The following UGGT2 variants were observed in gnomAD, a reference collection of about 807,000 sequenced individuals.
UGGT2 encodes UDP-glucose glycoprotein glucosyltransferase 2.
A neutral mutation model predicts 192.1 loss-of-function variants in UGGT2; 180 were observed. The observed-to-expected ratio is 0.94, with a 90% CI of 0.83 to 1.06. UGGT2 has a LOEUF of 1.06. UGGT2 is among the 50% of genes least tolerant of loss of function. The pLI, the probability that UGGT2 is intolerant of heterozygous loss-of-function variation, is 0.00. For synonymous variants in UGGT2, 580 were observed against 591.0 expected, an observed-to-expected ratio of 0.98 and a Z score of 0.27; for missense variants, 1,849 against 1,795.7, an observed-to-expected ratio of 1.03 and a Z score of -0.54.
At chr13:95,844,403 T>TG (rs1463353223) in intron 36 of UGGT2, among the ~76,000 whole-genome samples, 3 of 152,206 alleles carry the variant, frequency 2.0e-5, no homozygotes, top group Admixed American at 2.0e-4. Flanking sequence ...GTGATTAATT[T>TG]GGGGAGAAAC....
At chr13:95,805,592 C>T (rs1429810128) in intron 38 of UGGT2, among the ~76,000 whole-genome samples, 1 of 152,006 alleles carries the variant, frequency 6.6e-6, no homozygotes, top group Non-Finnish European at 1.5e-5. Context: ...GGATTTTATC[C>T]AGTCTTTTAA....
intron 26 of UGGT2, among the ~76,000 whole-genome samples, chr13:95,887,685 G>T (rs557917594): frequency 6.6e-6 from 1 of 152,198 alleles, no homozygotes; most frequent in Admixed American, 6.5e-5. Context: ...TCTGTAATTA[G>T]GTCAGATCAC....
intron 1 of UGGT2, among the ~76,000 whole-genome samples, chr13:96,042,557 A>T (rs1463084653): frequency 6.6e-6 from 1 of 152,172 alleles, no homozygotes; most frequent in Non-Finnish European, 1.5e-5. Context: ...ATGGTCAGTT[A>T]TTAAGCTAAT....
intron 38 of UGGT2, among the ~76,000 whole-genome samples, chr13:95,827,684 A>G (rs1886184559): frequency 6.6e-6 from 1 of 152,194 alleles, no homozygotes; most frequent in Admixed American, 6.5e-5. Flanking sequence ...AGCCATCCTT[A>G]TAGAGTTAAA....
chr13:95,848,661 T>A, intron 36 of UGGT2, among the ~76,000 whole-genome samples: 1 of 152,234 alleles, frequency 6.6e-6, no homozygotes, highest in East Asian at 1.9e-4. Flanking sequence ...TTTGCCAACA[T>A]ACTGTCTTGA....
intron 38 of UGGT2, among the ~76,000 whole-genome samples, chr13:95,803,257 GTTTA>G (rs773311284): frequency 1.1e-4 from 16 of 151,880 alleles, no homozygotes; most frequent in Non-Finnish European, 2.2e-4. Context: ...GAGGTTTTTG[GTTTA>G]TTTATTTATT....
rs763080099 is a variant in UGGT2, at chr13:95,801,815, A to G, written c.4529-3T>C. ...CTAGAGTTCATCATGTGTCAAAACT[A>G]TAAGGGAGAAAAGTTTATTTAGCTT... On this transcript the variant is annotated splice_polypyrimidine_tract_variant and splice_region_variant and intron_variant, in intron 38 of 38. Coordinates refer to ENST00000376747, the MANE Select transcript of UGGT2 (RefSeq NM_020121.4). The G allele has an allele frequency of 8.7e-6, 14 of 1,613,732 alleles. No individual in the cohort carries two copies. The highest frequency in any genetic ancestry group is 1.2e-5 in the Non-Finnish European group (14 of 1,179,822).
chr13:96,032,166 T>C (rs1052654506), intron 1 of UGGT2, among the ~76,000 whole-genome samples, 195 bp from the exon 2 acceptor site: 1 of 152,172 alleles, frequency 6.6e-6, no homozygotes, highest in South Asian at 2.1e-4. Context: ...GATATCATTC[T>C]CAACTATAAA....
chr13:96,052,113 T>C (rs767095100), intron 1 of UGGT2, among the ~76,000 whole-genome samples: 19 of 152,214 alleles, frequency 1.2e-4, no homozygotes, highest in African/African-American at 4.3e-4. Flanking sequence ...CTGTGGCATA[T>C]ATATGATGGA....
intron 6 of UGGT2, among the ~76,000 whole-genome samples, chr13:95,998,770 T>A (rs2051704842): frequency 6.6e-6 from 1 of 151,988 alleles, no homozygotes; most frequent in African/African-American, 2.4e-5. Flanking sequence ...GACTCTCTCA[T>A]CCTGCTTCAG....
chr13:95,937,163 C>T (rs1014066840), intron 16 of UGGT2, 75 bp from the exon 17 acceptor site: 2 of 1,455,710 alleles, frequency 1.4e-6, no homozygotes, highest in Non-Finnish European at 1.8e-6. Flanking sequence ...AAATGGAACA[C>T]CGCCACATTT....
At chr13:95,912,396 A>G (rs2048531003) in intron 20 of UGGT2, among the ~76,000 whole-genome samples, 1 of 152,216 alleles carries the variant, frequency 6.6e-6, no homozygotes. Context: ...AAGTCTCTGG[A>G]TACAAAATCA....
chr13:96,009,750 G>A (rs897938605), intron 5 of UGGT2, among the ~76,000 whole-genome samples: 2 of 152,170 alleles, frequency 1.3e-5, no homozygotes, highest in Non-Finnish European at 2.9e-5. Context: ...GGAGGTTGCA[G>A]TGAGCCGAGA....
intron 34 of UGGT2, 130 bp from the exon 35 acceptor site, chr13:95,854,605 T>C: frequency 1.4e-6 from 1 of 733,702 alleles, no homozygotes; most frequent in Non-Finnish European, 2.0e-6. Flanking sequence ...AGTGCTTTCA[T>C]GTAATATGAA....
intron 11 of UGGT2, among the ~76,000 whole-genome samples, chr13:95,970,685 G>A (rs948760376): frequency 3.9e-5 from 6 of 152,032 alleles, no homozygotes; most frequent in South Asian, 2.1e-4. Flanking sequence ...TGAAGTTCAC[G>A]TGTGTTTGAA....
At chr13:96,031,699 T>C (rs1349831961) in intron 2 of UGGT2, among the ~76,000 whole-genome samples, 190 bp downstream of exon 2, 2 of 152,204 alleles carry the variant, frequency 1.3e-5, no homozygotes, top group African/African-American at 4.8e-5. Context: ...TAATAAAGTA[T>C]TAAAACCTTG....
At chr13:95,803,552 G>T (rs1193930336) in intron 38 of UGGT2, among the ~76,000 whole-genome samples, 2 of 152,208 alleles carry the variant, frequency 1.3e-5, no homozygotes, top group African/African-American at 4.8e-5. Context: ...GATTCACCGT[G>T]CCCGGCCGAA....
At chr13:96,039,009 G>A (rs151011929) in intron 1 of UGGT2, among the ~76,000 whole-genome samples, 16 of 152,248 alleles carry the variant, frequency 1.1e-4, no homozygotes, top group Non-Finnish European at 7.4e-5. Flanking sequence ...GACAGGCATA[G>A]GATGGACACT....
At position 95,931,899 on chromosome 13, in the gene UGGT2, G is replaced by A. The variant is rs182018931; in HGVS notation, c.1978-4563C>T. On this transcript the variant is annotated intron_variant, in intron 17 of 38. Coordinates refer to ENST00000376747, the MANE Select transcript of UGGT2 (RefSeq NM_020121.4). ...GAGGGGCCCCCACAGTGCAGTGGCAGGCTGAAGGGCTCCTCGAGCATGGCC... is the reference window on the plus strand; with the variant it reads ...GAGGGGCCCCCACAGTGCAGTGGCAAGCTGAAGGGCTCCTCGAGCATGGCC... 5.9e-5 allele frequency among the ~76,000 whole-genome samples: 9 copies of A among 152,312 alleles called. No homozygotes were observed. In the East Asian group the frequency reaches 7.8e-4, roughly 13 times the overall value.
Sources: allele counts gnomAD v4.1 joint callset (sites outside exome capture counted in the v4.1 genomes callset), GRCh38; gene constraint gnomAD v4.1.1; transcripts MANE v1.5; gene names NCBI Gene and HGNC (gene_info 2026-07-23, HGNC 2026-07-21).